SGMS1: variants seen among roughly 807,000 people sequenced by gnomAD.
SGMS1 encodes phosphatidylcholine:ceramide cholinephosphotransferase 1.
In SGMS1, 13 loss-of-function variants were observed where a neutral mutation model predicts 46.2. The ratio of observed to expected loss-of-function variants is 0.28; its 90% CI spans 0.18 to 0.45. SGMS1 has a LOEUF of 0.45. Ranked by LOEUF, SGMS1 falls within the 20% of genes least tolerant of loss-of-function variation. SGMS1 has a pLI of 1.00. For synonymous variants in SGMS1, 203 were observed against 187.8 expected, an observed-to-expected ratio of 1.08 and a Z score of -0.66; for missense variants, 324 against 519.9, an observed-to-expected ratio of 0.62 and a Z score of 3.66.
chr10:50,353,001 C>A (rs1848049176), intron 6 of SGMS1, among the ~76,000 whole-genome samples: 2 of 152,134 alleles, frequency 1.3e-5, no homozygotes, highest in South Asian at 4.1e-4. Context: ...CCGAATTCTA[C>A]CAGAGGTACA....
At chr10:50,613,828 A>G (rs150604038) in intron 1 of SGMS1, among the ~76,000 whole-genome samples, 2 of 152,348 alleles carry the variant, frequency 1.3e-5, no homozygotes, top group African/African-American at 4.8e-5. Flanking sequence ...TGCAAGACAG[A>G]AAACTTCTGC....
At position 50,311,282 on chromosome 10, in the gene SGMS1, G is replaced by A; in HGVS notation, c.875C>T (p.Thr292Ile). ...YSGHTVMLTL[T>I]YLFIKEYSPR... ...CTTACACTCTTTGATAAATAAGTAG[G>A]TAAGTGTTAGCATGACCGTGTGGCC... The change falls in exon 9 of 11, where the codon ACC (threonine) becomes ATC (isoleucine). Residue 292 changes from threonine (T) to isoleucine (I), a missense_variant. By Grantham distance (89) the Thr-to-Ile change is moderately conservative. Coordinates refer to ENST00000361781, the MANE Select transcript of SGMS1 (RefSeq NM_147156.4). 2 of 1,613,502 alleles carry A rather than the reference G, an allele frequency of 1.2e-6. No homozygotes were observed. Among genetic ancestry groups the A allele is most frequent in the East Asian group, 2.2e-5 (1 of 44,886 alleles).
intron 3 of SGMS1, among the ~76,000 whole-genome samples, chr10:50,508,308 T>C (rs1329793550): frequency 1.3e-5 from 2 of 152,102 alleles, no homozygotes; most frequent in African/African-American, 2.4e-5. Context: ...GTTTATGGGG[T>C]CTCCATGTCC....
chr10:50,504,633 C>G (rs1316141518), intron 3 of SGMS1, among the ~76,000 whole-genome samples: 1 of 152,036 alleles, frequency 6.6e-6, no homozygotes, highest in Non-Finnish European at 1.5e-5. Context: ...AAACAGAGAT[C>G]TAACTCTAAC....
chr10:50,559,709 A>G (rs1838217195), intron 2 of SGMS1, among the ~76,000 whole-genome samples: 1 of 152,168 alleles, frequency 6.6e-6, no homozygotes, highest in African/African-American at 2.4e-5. Flanking sequence ...GAAGAATCTC[A>G]CATAGCAAAC....
At chr10:50,584,225 C>T (rs367806964) in intron 2 of SGMS1, among the ~76,000 whole-genome samples, 2 of 152,040 alleles carry the variant, frequency 1.3e-5, no homozygotes, top group Admixed American at 6.6e-5. Flanking sequence ...ATTGGCTGGG[C>T]GCAGTGGCTC....
intron 2 of SGMS1, among the ~76,000 whole-genome samples, chr10:50,542,731 T>TATATA (rs1309124665): frequency 6.8e-6 from 1 of 148,052 alleles, no homozygotes; most frequent in African/African-American, 2.5e-5. Flanking sequence ...TATATTATAT[T>TATATA]ATATATAACA....
At chr10:50,587,296 G>GA (rs372108642) in intron 2 of SGMS1, among the ~76,000 whole-genome samples, 19 of 151,382 alleles carry the variant, frequency 1.3e-4, no homozygotes, top group Middle Eastern at 3.4e-3. Context: ...ACAAATAGCA[G>GA]AAAAAAAAAT....
At chr10:50,585,219 T>C (rs74764821) in intron 2 of SGMS1, among the ~76,000 whole-genome samples, 1 of 152,230 alleles carries the variant, frequency 6.6e-6, no homozygotes, top group East Asian at 1.9e-4. Context: ...CTTGGTTGGC[T>C]GTTGTTTCTA....
intron 3 of SGMS1, among the ~76,000 whole-genome samples, chr10:50,495,829 A>G (rs2133748033): frequency 6.6e-6 from 1 of 152,236 alleles, no homozygotes; most frequent in African/African-American, 2.4e-5. Flanking sequence ...GTTTGTATCT[A>G]CATAGAACAT....
upstream of SGMS1, chr10:50,624,918 A>T (rs1398558085): frequency 4.0e-6 from 4 of 1,008,186 alleles, no homozygotes; most frequent in Non-Finnish European, 4.8e-6. Context: ...GGCCCGGCGT[A>T]CCACGTGACT....
intron 5 of SGMS1, among the ~76,000 whole-genome samples, chr10:50,454,158 G>A (rs1837160434): frequency 6.6e-6 from 1 of 151,338 alleles, no homozygotes; most frequent in African/African-American, 2.4e-5. Flanking sequence ...AGAGCCTAAA[G>A]TTTGCACTGG....
chr10:50,591,284 C>T (rs531079420), intron 1 of SGMS1, among the ~76,000 whole-genome samples: 1 of 152,106 alleles, frequency 6.6e-6, no homozygotes, highest in African/African-American at 2.4e-5. Flanking sequence ...GATTAAACTC[C>T]TATTTGTCTT....
intron 3 of SGMS1, among the ~76,000 whole-genome samples, chr10:50,477,939 CTTTA>C (rs201057310): frequency 0.03 from 4,611 of 152,274 alleles, 108 homozygotes; most frequent in African/African-American, 0.064. Flanking sequence ...TCCAGTAGTT[CTTTA>C]CAGCAGTGTG....
At chr10:50,534,627 C>G (rs1837983692) in intron 2 of SGMS1, among the ~76,000 whole-genome samples, 1 of 152,100 alleles carries the variant, frequency 6.6e-6, no homozygotes, top group African/African-American at 2.4e-5. Flanking sequence ...CCCAATCGTT[C>G]AACAACAGGG....
chr10:50,498,044 G>A (rs1283846506), intron 3 of SGMS1, among the ~76,000 whole-genome samples: 2 of 152,128 alleles, frequency 1.3e-5, no homozygotes, highest in Admixed American at 1.3e-4. Flanking sequence ...AGGGAATTTG[G>A]TTTCTAAGAA....
chr10:50,586,728 C>G (rs906225845), intron 2 of SGMS1, among the ~76,000 whole-genome samples: 18 of 152,342 alleles, frequency 1.2e-4, no homozygotes, highest in African/African-American at 4.3e-4. Context: ...CCAATTCTCC[C>G]AAGTGTGTCT....
chr10:50,344,850 G>C (rs113658320), intron 6 of SGMS1, among the ~76,000 whole-genome samples: 23 of 151,112 alleles, frequency 1.5e-4, no homozygotes, highest in African/African-American at 4.9e-4. Flanking sequence ...CAGCCTGGGC[G>C]ACAGAGCGAG....
chr10:50,619,119 C>T (rs1348637170), intron 1 of SGMS1, among the ~76,000 whole-genome samples: 2 of 151,582 alleles, frequency 1.3e-5, no homozygotes, highest in Non-Finnish European at 2.9e-5. Flanking sequence ...GGCGACAGAC[C>T]GAGACTCTGT....
Sources: gnomAD v4.1 joint callset for allele counts (sites outside exome capture counted in the v4.1 genomes callset) on GRCh38, gnomAD v4.1.1 for gene constraint, MANE v1.5 for transcripts, NCBI Gene and HGNC (gene_info 2026-07-23, HGNC 2026-07-21) for gene names.